The following EIPR1 variants were observed in gnomAD, a reference collection of about 807,000 sequenced individuals.
The protein encoded by EIPR1 is EARP and GARP complex-interacting protein 1.
In EIPR1, 25 loss-of-function variants were observed where a neutral mutation model predicts 48.1. The observed-to-expected ratio is 0.52, with a 90% CI of 0.38 to 0.73. The LOEUF (loss-of-function observed/expected upper bound fraction) is 0.73. Ranked by LOEUF, EIPR1 falls within the 30% of genes least tolerant of loss-of-function variation. The pLI, the probability that EIPR1 is intolerant of heterozygous loss-of-function variation, is 0.00. For synonymous variants in EIPR1, 204 were observed against 201.9 expected, an observed-to-expected ratio of 1.01 and a Z score of -0.09; for missense variants, 415 against 506.2, an observed-to-expected ratio of 0.82 and a Z score of 1.73.
intron 3 of EIPR1, chr2:3,282,353 C>T (rs1013796214): frequency 6.6e-6 from 1 of 152,246 alleles, no homozygotes. Context: ...TGAAATCTGT[C>T]TTTCCAGCCT....
chr2:3,194,266 T>A (rs1272734375), intron 6 of EIPR1, 100 bp from the exon 7 acceptor site: 4 of 1,466,136 alleles, frequency 2.7e-6, no homozygotes, highest in Non-Finnish European at 3.7e-6. Context: ...CCCTGTCTAA[T>A]CCCCCGGCCC....
intron 3 of EIPR1, among the ~76,000 whole-genome samples, chr2:3,283,197 G>A (rs1668068002): frequency 6.6e-6 from 1 of 152,196 alleles, no homozygotes; most frequent in Non-Finnish European, 1.5e-5. Context: ...TCACAGTGAT[G>A]AGGCTCTCCT....
intron 1 of EIPR1, among the ~76,000 whole-genome samples, chr2:3,366,251 T>G (rs537200909): frequency 3.2e-4 from 48 of 152,258 alleles, no homozygotes; most frequent in Admixed American, 7.2e-4. Flanking sequence ...GAGGTTGCAG[T>G]GAGCTGAGAT....
intron 5 of EIPR1, among the ~76,000 whole-genome samples, chr2:3,212,317 C>A (rs1665484287): frequency 6.6e-6 from 1 of 152,202 alleles, no homozygotes; most frequent in South Asian, 2.1e-4. Context: ...CTGCCGCATC[C>A]TAACGTGTGG....
At chr2:3,325,249 C>T (rs558317641) in intron 3 of EIPR1, among the ~76,000 whole-genome samples, 9 of 152,326 alleles carry the variant, frequency 5.9e-5, no homozygotes, top group African/African-American at 1.7e-4. Flanking sequence ...GTGTCCCCAG[C>T]GTGGGGCCCT....
intron 1 of EIPR1, among the ~76,000 whole-genome samples, chr2:3,366,710 T>C (rs1433823369): frequency 3.3e-5 from 5 of 152,126 alleles, no homozygotes; most frequent in Admixed American, 1.3e-4. Context: ...GTAATTAAGA[T>C]AGAAAAATGC....
At position 3,189,150 on chromosome 2, in the gene EIPR1, C is replaced by A; in HGVS notation, c.*184G>T. 2.0e-6 allele frequency: 1 copy of A among 511,768 alleles called. No homozygotes were observed. Among genetic ancestry groups the A allele is most frequent in the Non-Finnish European group, 3.2e-6 (1 of 310,902 alleles). The allele number at this position is 511,768 out of a possible 1,614,324, so 31.7% of individuals were successfully genotyped here. A position where few individuals can be genotyped will look rare whatever the true frequency, so the allele number is the denominator to read the frequency against. ...GACAGGGGCTGGGTTCGGGCATTAGCTGTGCCGTCGACAATAGCCCCATTC... is the reference window on the plus strand; with the variant it reads ...GACAGGGGCTGGGTTCGGGCATTAGATGTGCCGTCGACAATAGCCCCATTC... On this transcript the variant is annotated 3_prime_UTR_variant, in exon 9 of 9. Coordinates refer to ENST00000382125, the MANE Select transcript of EIPR1 (RefSeq NM_003310.5). This position sits in a 1 kb window ranked among gnomAD's most constrained non-coding sequence, Gnocchi z 4.6.
chr2:3,226,812 G>A (rs1418056954), intron 4 of EIPR1, among the ~76,000 whole-genome samples: 1 of 152,184 alleles, frequency 6.6e-6, no homozygotes, highest in African/African-American at 2.4e-5. Flanking sequence ...CTCCCATGCT[G>A]TTCTCATGAC....
intron 3 of EIPR1, among the ~76,000 whole-genome samples, chr2:3,305,971 C>G (rs1668930336): frequency 6.6e-6 from 1 of 152,224 alleles, no homozygotes; most frequent in Non-Finnish European, 1.5e-5. Context: ...TTTCAAATCG[C>G]TGCTTCCCCC....
chr2:3,214,388 A>C, intron 4 of EIPR1, 140 bp from the exon 5 acceptor site: 1 of 682,254 alleles, frequency 1.5e-6, no homozygotes, highest in South Asian at 1.8e-5. Context: ...TTACACTGTC[A>C]CCCGGCAATG....
intron 3 of EIPR1, among the ~76,000 whole-genome samples, chr2:3,270,946 G>A (rs1404025370): frequency 6.6e-6 from 1 of 152,238 alleles, no homozygotes; most frequent in Non-Finnish European, 1.5e-5. Context: ...ATTGGAGTCA[G>A]TCCTTTAAAA....
chr2:3,253,327 T>C (rs1487294197), intron 4 of EIPR1, among the ~76,000 whole-genome samples: 2 of 152,216 alleles, frequency 1.3e-5, no homozygotes, highest in Admixed American at 1.3e-4. Context: ...CATGACTCCC[T>C]AAAACGTATA....
At chr2:3,306,356 C>G (rs542434204) in intron 3 of EIPR1, among the ~76,000 whole-genome samples, 1 of 152,260 alleles carries the variant, frequency 6.6e-6, no homozygotes, top group South Asian at 2.1e-4. Context: ...AACTTATTCC[C>G]TGGTCACTCG....
intron 3 of EIPR1, among the ~76,000 whole-genome samples, chr2:3,327,729 T>A (rs926292168): frequency 6.6e-6 from 1 of 152,186 alleles, no homozygotes; most frequent in Admixed American, 6.5e-5. Context: ...CCATCCAACA[T>A]ACCTGCTACT....
At chr2:3,282,536 CT>C (rs1668044105) in intron 3 of EIPR1, 1 of 152,280 alleles carries the variant, frequency 6.6e-6, no homozygotes, top group Admixed American at 6.5e-5. Context: ...TGAAACCCGA[CT>C]GCCAATGCAC....
intron 3 of EIPR1, among the ~76,000 whole-genome samples, chr2:3,270,180 G>A (rs529819693): frequency 1.7e-4 from 26 of 152,324 alleles, no homozygotes; most frequent in East Asian, 5.8e-4. Context: ...AAGCAGGGGT[G>A]AAACAAGGAG....
intron 1 of EIPR1, among the ~76,000 whole-genome samples, chr2:3,377,154 T>C (rs1456262399): frequency 2.0e-5 from 3 of 152,270 alleles, no homozygotes; most frequent in Admixed American, 1.3e-4. Flanking sequence ...TGTACCAATG[T>C]TAATTTCTAA....
intron 2 of EIPR1, among the ~76,000 whole-genome samples, chr2:3,341,121 CAA>C (rs1258563248): frequency 1.1e-5 from 1 of 91,592 alleles, no homozygotes; most frequent in South Asian, 3.8e-4. Context: ...AAAAAAAAAA[CAA>C]AACAAAACTC....
chr2:3,310,610 G>T (rs1309489262), intron 3 of EIPR1, among the ~76,000 whole-genome samples: 1 of 131,016 alleles, frequency 7.6e-6, no homozygotes, highest in African/African-American at 3.0e-5. Flanking sequence ...CCGAGATCCC[G>T]CCACTGCACT....
Sources: gnomAD v4.1 joint callset for allele counts (sites outside exome capture counted in the v4.1 genomes callset) on GRCh38, gnomAD v4.1.1 for gene constraint, Gnocchi (gnomAD v3.1) non-coding constraint, MANE v1.5 for transcripts, NCBI Gene and HGNC (gene_info 2026-07-23, HGNC 2026-07-21) for gene names.